The following MPC1 variants were observed in gnomAD, a reference collection of about 807,000 sequenced individuals.
The protein encoded by MPC1 is HSPC040 protein.
In MPC1, 6 loss-of-function variants were observed where a neutral mutation model predicts 13.9. That is an observed-to-expected ratio of 0.43 (90% confidence interval 0.24 to 0.85). The LOEUF (loss-of-function observed/expected upper bound fraction) is 0.85, where lower values mean the gene tolerates loss of function less well. Among genes scored for constraint, MPC1 ranks in the 40% least tolerant of loss-of-function variants. MPC1 has a pLI of 0.24. For synonymous variants in MPC1, 47 were observed against 50.5 expected (o/e 0.93, Z 0.29); for missense variants, 115 against 143.3 (o/e 0.80, Z 1.01).
chr6:166,371,813 A>T lies in MPC1; in HGVS notation c.72-1592T>A, dbSNP rs540287930. Among the ~76,000 whole-genome samples the T allele has an allele frequency of 1.1e-3, 160 of 152,174 alleles. 1 individual carries two copies. The highest frequency in any genetic ancestry group is 1.8e-3 in the Non-Finnish European group (121 of 68,028). ...TTAGGCAGAGTAAGAGATTGACAAC[A>T]ATTACTAATAATAAAATAGAATAAT... On this transcript the variant is annotated intron_variant, in intron 1 of 4. Transcript: ENST00000360961.
At chr6:166,371,020 T>TA (rs1779360281) in intron 1 of MPC1, among the ~76,000 whole-genome samples, 7 of 152,232 alleles carry the variant, frequency 4.6e-5, no homozygotes, top group Admixed American at 4.6e-4. Flanking sequence ...ATTTTACACT[T>TA]ACGGCACATC....
intron 1 of MPC1, among the ~76,000 whole-genome samples, chr6:166,381,256 T>TACG (rs1183632229): frequency 6.6e-6 from 1 of 152,270 alleles, no homozygotes; most frequent in Non-Finnish European, 1.5e-5. Context: ...ATAGTAGTTC[T>TACG]ATTTAAGCAT....
In MPC1 at chr6:166,365,653, A is replaced by G. The variant is rs865852567; in HGVS notation, c.306-200T>C. ...GTTTCAGATTTTTTCAGATTTCGGA[A>G]TAACTGGATTATACCAGTTGAACAT... On this transcript the variant is annotated intron_variant, in intron 4 of 4. Transcript: ENST00000360961. The surrounding 1 kb of genome is among the most constrained non-coding windows in gnomAD (Gnocchi z 4.2). Among the ~76,000 whole-genome samples the G allele has an allele frequency of 6.6e-6, 1 of 152,236 alleles. No individual in the cohort carries two copies. The highest frequency in any genetic ancestry group is 1.5e-5 in the Non-Finnish European group (1 of 68,040).
intron 1 of MPC1, among the ~76,000 whole-genome samples, chr6:166,381,216 C>T (rs1036791507): frequency 6.6e-6 from 1 of 152,198 alleles, no homozygotes; most frequent in African/African-American, 2.4e-5. Context: ...CATTGCTGTG[C>T]TCCACAGTGC....
At chr6:166,374,983 C>T (rs1165527513) in intron 1 of MPC1, among the ~76,000 whole-genome samples, 8 of 152,148 alleles carry the variant, frequency 5.3e-5, no homozygotes, top group African/African-American at 9.7e-5. Flanking sequence ...CACAGAATAA[C>T]GTGCTGGGAT....
chr6:166,382,809 A>G lies in MPC1; in HGVS notation c.68T>C (p.Met23Thr). The G allele has an allele frequency of 2.5e-6, 4 of 1,594,264 alleles. No individual in the cohort carries two copies. The South Asian group carries it at 4.5e-5, about 18-fold the overall frequency. The change falls in exon 1 of 5, where the codon ATG becomes ACG. Residue 23 changes from methionine (M) to threonine (T), a missense_variant. Transcript: ENST00000360961. ...VRSKDFRDYLMSTHFWGPVAN... is the reference protein window; with the variant it reads ...VRSKDFRDYLTSTHFWGPVAN... The stretch of plus-strand genomic sequence containing the variant: ...TTCGGCCTGCGGCGCTCGTCACCTC[A>G]TGAGGTAGTCCCGGAAATCCTTGCT...
At chr6:166,367,241 G>C in intron 2 of MPC1, 1 of 1,013,476 alleles carries the variant, frequency 9.9e-7, no homozygotes, top group Non-Finnish European at 1.2e-6. Context: ...ATCCATTGTT[G>C]CTATAATTCA....
chr6:166,382,151 G>C (rs973490470), intron 1 of MPC1, among the ~76,000 whole-genome samples: 5 of 152,136 alleles, frequency 3.3e-5, no homozygotes, highest in Non-Finnish European at 7.4e-5. Context: ...GGAGGGACGT[G>C]CCCACTGCCA....
intron 1 of MPC1, among the ~76,000 whole-genome samples, chr6:166,382,521 G>C (rs1338272791): frequency 6.7e-6 from 1 of 150,218 alleles, no homozygotes; most frequent in East Asian, 2.0e-4. Context: ...CCTGCCGGGA[G>C]AGGACACCCA....
chr6:166,374,125 TA>T (rs1779486854), intron 1 of MPC1, among the ~76,000 whole-genome samples: 1 of 152,032 alleles, frequency 6.6e-6, no homozygotes, highest in Non-Finnish European at 1.5e-5. Context: ...TAGCTGGGAT[TA>T]TAGGCACCCG....
At position 166,366,073 on chromosome 6, in the gene MPC1, A is replaced by T; in HGVS notation, c.206T>A (p.Phe69Tyr). 1 of 1,614,078 alleles carries T rather than the reference A, an allele frequency of 6.2e-7. No homozygotes were observed. The highest frequency in any genetic ancestry group is 1.3e-5 in the African/African-American group (1 of 75,036). Residue 69 changes from phenylalanine to tyrosine, a missense_variant, in exon 4 of 5, where the codon TTT (phenylalanine) becomes TAT (tyrosine). Phe to Tyr is a conservative substitution (Grantham distance 22). This residue lies in a region of MPC1 where 71 missense variants were observed against 88.5 expected (regional missense o/e 0.80). Transcript: ENST00000360961. ...LCCYSLTFMR[F>Y]AYKVQPRNWL... Reference sequence around the variant, plus strand: ...GTTCCGAGGCTGTACCTTGTAGGCAAATCTCATGAATGTCAAAGAATAGCA... The same window carrying T: ...GTTCCGAGGCTGTACCTTGTAGGCATATCTCATGAATGTCAAAGAATAGCA...
intron 1 of MPC1, among the ~76,000 whole-genome samples, chr6:166,373,280 A>G (rs1303447473): frequency 6.6e-6 from 1 of 152,128 alleles, no homozygotes; most frequent in African/African-American, 2.4e-5. Flanking sequence ...CACTCTCTAA[A>G]AATCCTCTGT....
chr6:166,380,370 T>C (rs1779722390), intron 1 of MPC1, among the ~76,000 whole-genome samples: 1 of 152,250 alleles, frequency 6.6e-6, no homozygotes, highest in Admixed American at 6.5e-5. Context: ...CTTCTGAATC[T>C]TAGTGTGGTG....
intron 2 of MPC1, chr6:166,368,656 A>C: frequency 4.0e-5 from 21 of 526,226 alleles, no homozygotes; most frequent in Admixed American, 6.4e-5. Context: ...TTTAGATGCA[A>C]TATGGCCAGT....
chr6:166,367,197 T>C, intron 2 of MPC1: 2 of 1,174,700 alleles, frequency 1.7e-6, no homozygotes, highest in Non-Finnish European at 2.1e-6. Flanking sequence ...ATTTAGAACA[T>C]TTAAAAATAA....
At chr6:166,375,427 C>T (rs1333214101) in intron 1 of MPC1, among the ~76,000 whole-genome samples, 3 of 147,754 alleles carry the variant, frequency 2.0e-5, no homozygotes, top group Non-Finnish European at 4.5e-5. Context: ...TTCCCTTCTT[C>T]TGCTTATTTT....
rs987048901 is a variant in MPC1 at position 166,373,909 on chromosome 6, A to G, written c.72-3688T>C. On this transcript the variant is annotated intron_variant, in intron 1 of 4. Coordinates refer to ENST00000360961, the MANE Select transcript of MPC1 (RefSeq NM_016098.4). ...ATGCTTATTTGCCATCTGAACACGG[A>G]GAGGTATCTGCTTAAGTCTTCGGCC... 5.9e-5 allele frequency among the ~76,000 whole-genome samples: 9 copies of G among 152,256 alleles called. No homozygotes were observed. The East Asian group carries it at 1.7e-3, about 29-fold the overall frequency.
chr6:166,371,630 T>C (rs1199325579), intron 1 of MPC1, among the ~76,000 whole-genome samples: 1 of 152,186 alleles, frequency 6.6e-6, no homozygotes, highest in Non-Finnish European at 1.5e-5. Context: ...ATGAAAATAA[T>C]TGTTGATGGT....
chr6:166,381,190 T>C lies in MPC1; in HGVS notation c.71+1616A>G, dbSNP rs118101451. On this transcript the variant is annotated intron_variant, in intron 1 of 4. Coordinates refer to ENST00000360961, the MANE Select transcript of MPC1 (RefSeq NM_016098.4). ...ACTGCTACCTTGTTCACATTTTTACTACCATTAATCTGATACATTGCTGTG... is the reference window on the plus strand; with the variant it reads ...ACTGCTACCTTGTTCACATTTTTACCACCATTAATCTGATACATTGCTGTG... Among the ~76,000 whole-genome samples, 5 of 152,328 alleles carry C rather than the reference T, an allele frequency of 3.3e-5. No homozygotes were observed. In the East Asian group the frequency reaches 9.7e-4, roughly 29 times the overall value.
Sources: gnomAD v4.1 joint callset for allele counts (sites outside exome capture counted in the v4.1 genomes callset) on GRCh38, gnomAD v4.1.1 for gene constraint, gnomAD v4.1.1 regional missense constraint, Gnocchi (gnomAD v3.1) non-coding constraint, MANE v1.5 for transcripts, NCBI Gene and HGNC (gene_info 2026-07-23, HGNC 2026-07-21) for gene names.